MGRN1: variants seen among roughly 807,000 people sequenced by gnomAD.
MGRN1 encodes mahogunin ring finger 1, also known as E3 ubiquitin-protein ligase MGRN1.
A neutral mutation model predicts 69.2 loss-of-function variants in MGRN1; 29 were observed. That is an observed-to-expected ratio of 0.42 (90% CI 0.31 to 0.57). MGRN1 has a LOEUF of 0.57. MGRN1 is among the 20% of genes least tolerant of loss of function. The pLI, the probability that MGRN1 is intolerant of heterozygous loss-of-function variation, is 0.15. For synonymous variants in MGRN1, 470 were observed against 344.2 expected, an observed-to-expected ratio of 1.37 and a Z score of -4.04; for missense variants, 998 against 796.2, an observed-to-expected ratio of 1.25 and a Z score of -3.05.
At chr16:4,682,676 C>G (rs565177273) in intron 13 of MGRN1, 147 bp from the exon 14 acceptor site, 2 of 961,920 alleles carry the variant, frequency 2.1e-6, no homozygotes, top group Non-Finnish European at 2.8e-6. Flanking sequence ...GTCCCGGTGG[C>G]TGGTGATGCC....
At chr16:4,679,293 C>T (rs1190122375) in intron 11 of MGRN1, among the ~76,000 whole-genome samples, 2 of 152,128 alleles carry the variant, frequency 1.3e-5, no homozygotes. Context: ...GCTGAGGATC[C>T]AGTAGGTCCC....
intron 4 of MGRN1, among the ~76,000 whole-genome samples, chr16:4,656,975 G>A (rs1315470187): frequency 6.6e-6 from 1 of 152,160 alleles, no homozygotes; most frequent in Admixed American, 6.5e-5. Flanking sequence ...AGCTACACTG[G>A]GGAGGTATCA....
At chr16:4,645,412 T>G (rs1207123819) in intron 1 of MGRN1, among the ~76,000 whole-genome samples, 2 of 152,298 alleles carry the variant, frequency 1.3e-5, no homozygotes, top group East Asian at 3.9e-4. Context: ...CGAGCGATCC[T>G]CCTGCCTTGA....
chr16:4,645,718 G>A (rs2078260788), intron 1 of MGRN1, among the ~76,000 whole-genome samples: 1 of 152,138 alleles, frequency 6.6e-6, no homozygotes, highest in South Asian at 2.1e-4. Context: ...AGGACTCCAG[G>A]GCCCCGAGGT....
chr16:4,674,609 TTCTTTTCTTTTCTTTTC>T (rs2079013544), intron 10 of MGRN1, among the ~76,000 whole-genome samples: 1 of 124,936 alleles, frequency 8.0e-6, no homozygotes, highest in African/African-American at 3.0e-5. Flanking sequence ...TTCTTTTTTT[TTCTTTTCTTTTCTTTTC>T]TTTTTTTTTT....
chr16:4,673,550 C>G lies in MGRN1; in HGVS notation c.848C>G (p.Ser283Cys). 1.2e-6 allele frequency: 2 copies of G among 1,613,786 alleles called. No homozygotes were observed. The highest frequency in any genetic ancestry group is 1.3e-5 in the African/African-American group (1 of 75,048). Residue 283 changes from serine to cysteine, a missense_variant, in exon 10 of 17, where the codon TCC becomes TGC. Physicochemically the swap from Ser to Cys is moderately radical, Grantham distance 112. Transcript: ENST00000262370. ...DNSNECVVCL[S>C]DLRDTLILPC... The stretch of plus-strand genomic sequence containing the variant: ...AGCAACGAGTGTGTGGTGTGCCTGT[C>G]CGACCTGCGGGACACGCTGATCCTG...
At chr16:4,641,043 C>T (rs1193563694) in intron 1 of MGRN1, among the ~76,000 whole-genome samples, 3 of 152,184 alleles carry the variant, frequency 2.0e-5, no homozygotes, top group Non-Finnish European at 4.4e-5. Flanking sequence ...GTTCCACCTG[C>T]GTTCTTTCAC....
chr16:4,663,656 T>TGGCCGGTGGC (rs1232953228), intron 5 of MGRN1, among the ~76,000 whole-genome samples: 1 of 152,180 alleles, frequency 6.6e-6, no homozygotes, highest in Non-Finnish European at 1.5e-5. Context: ...AGCCTGATGG[T>TGGCCGGTGGC]GGCCGGTGGC....
intron 16 of MGRN1, chr16:4,687,263 C>A: frequency 2.0e-6 from 2 of 985,370 alleles, no homozygotes; most frequent in Non-Finnish European, 2.4e-6. Context: ...TTACAGAAGG[C>A]GGCTCTGTCC....
In MGRN1 at chr16:4,683,247, T is replaced by C. The variant is rs919971280; in HGVS notation, c.1506T>C (p.Asp502=). The change falls in exon 15 of 17, where the codon GAT becomes GAC. Residue 502 remains aspartate, a synonymous_variant. Transcript: ENST00000262370. The part of the protein sequence containing the change: ...SPESFITEEV[D]ESSSPQQGTR... ...AGAGTTTCATAACAGAAGAGGTTGA[T>C]GAGTCGTCGTCACCACAGCAAGGTG... 6.2e-7 allele frequency: 1 copy of C among 1,613,836 alleles called. No homozygotes were observed. The highest frequency in any genetic ancestry group is 8.5e-7 in the Non-Finnish European group (1 of 1,179,982).
At chr16:4,662,919 A>C (rs1033941520) in intron 5 of MGRN1, among the ~76,000 whole-genome samples, 13 of 152,186 alleles carry the variant, frequency 8.5e-5, no homozygotes, top group Non-Finnish European at 1.8e-4. Flanking sequence ...TGGTTGCTGC[A>C]GACATGGAGG....
intron 4 of MGRN1, among the ~76,000 whole-genome samples, chr16:4,653,340 C>CAGA (rs2078450313): frequency 6.6e-6 from 1 of 152,172 alleles, no homozygotes; most frequent in Non-Finnish European, 1.5e-5. Context: ...TTCAGCAAAC[C>CAGA]AGAAGCTCTC....
At chr16:4,682,003 C>T (rs1487812284) in intron 13 of MGRN1, among the ~76,000 whole-genome samples, 1 of 151,504 alleles carries the variant, frequency 6.6e-6, no homozygotes, top group African/African-American at 2.4e-5. Flanking sequence ...TTTGATCCCC[C>T]GACCAGGGCC....
intron 12 of MGRN1, 184 bp from the exon 13 acceptor site, chr16:4,681,366 G>T (rs562325622): frequency 1.7e-6 from 1 of 602,376 alleles, no homozygotes; most frequent in Non-Finnish European, 2.9e-6. Context: ...ATCCAGCCCC[G>T]TGCTGGAGCT....
At chr16:4,643,833 ATAAC>A (rs2078215665) in intron 1 of MGRN1, among the ~76,000 whole-genome samples, 1 of 152,234 alleles carries the variant, frequency 6.6e-6, no homozygotes. Flanking sequence ...GTTTTTATCA[ATAAC>A]AAGAAGAAAT....
intron 1 of MGRN1, among the ~76,000 whole-genome samples, chr16:4,634,052 G>C (rs1898152748): frequency 6.6e-6 from 1 of 152,204 alleles, no homozygotes; most frequent in African/African-American, 2.4e-5. Flanking sequence ...GCTGCCATTG[G>C]GGGCAACCCT....
intron 13 of MGRN1, 25 bp from the exon 14 acceptor site, chr16:4,682,798 T>C: frequency 6.6e-7 from 1 of 1,525,070 alleles, no homozygotes; most frequent in Non-Finnish European, 8.9e-7. Context: ...CTCTCACCCC[T>C]GCCCACCCTC....
intron 10 of MGRN1, among the ~76,000 whole-genome samples, chr16:4,675,747 AAAATT>A (rs1464799250): frequency 1.3e-5 from 2 of 152,256 alleles, no homozygotes; most frequent in African/African-American, 2.4e-5. Flanking sequence ...AAAAAAAAAA[AAAATT>A]ATAGCGAAGT....
intron 11 of MGRN1, 110 bp downstream of exon 11, chr16:4,677,682 G>A (rs961072608): frequency 9.4e-7 from 1 of 1,060,560 alleles, no homozygotes; most frequent in Non-Finnish European, 1.4e-6. Flanking sequence ...CTTCTGTCCA[G>A]TGGGCAGGCA....
Sources: gnomAD v4.1 joint callset for allele counts (sites outside exome capture counted in the v4.1 genomes callset) on GRCh38, gnomAD v4.1.1 for gene constraint, MANE v1.5 for transcripts, NCBI Gene and HGNC (gene_info 2026-07-23, HGNC 2026-07-21) for gene names.